NELL1: variants seen among roughly 807,000 people sequenced by gnomAD.
NELL1 encodes the protein neural EGFL like 1.
Under a neutral mutation model 107.4 loss-of-function variants are expected in NELL1, and 76 were observed. The ratio of observed to expected loss-of-function variants is 0.71; its 90% CI spans 0.59 to 0.86. NELL1 has a LOEUF of 0.86. NELL1 is among the 40% of genes least tolerant of loss of function. NELL1 has a pLI of 0.00. For missense variants in NELL1, 1,024 were observed against 1,005.5 expected (o/e 1.02, Z -0.25); for synonymous variants, 353 against 341.2 (o/e 1.03, Z -0.38).
chr11:21,531,372 A>G (rs1260087622), intron 15 of NELL1, among the ~76,000 whole-genome samples: 1 of 152,202 alleles, frequency 6.6e-6, no homozygotes, highest in African/African-American at 2.4e-5. Context: ...TGTCAACAAG[A>G]TATGATAGTT....
intron 12 of NELL1, among the ~76,000 whole-genome samples, chr11:21,000,424 ATTG>A (rs1328560302): frequency 6.6e-6 from 1 of 152,152 alleles, no homozygotes; most frequent in Non-Finnish European, 1.5e-5. Context: ...TCCCAGAGCT[ATTG>A]TTGTCTGTTG....
At chr11:21,287,266 T>C (rs1849145212) in intron 14 of NELL1, among the ~76,000 whole-genome samples, 1 of 152,162 alleles carries the variant, frequency 6.6e-6, no homozygotes, top group South Asian at 2.1e-4. Context: ...TCATTAGCTT[T>C]TCTTATCATT....
Position 20,824,985 on chromosome 11 carries a change from C to A in NELL1, c.336-22598C>A, listed in dbSNP as rs1857847678. Among the ~76,000 whole-genome samples the A allele has an allele frequency of 1.3e-5, 2 of 151,304 alleles. 1 individual carries two copies. On this transcript the variant is annotated intron_variant, in intron 3 of 19. Coordinates refer to ENST00000357134, the MANE Select transcript of NELL1 (RefSeq NM_006157.5). The stretch of plus-strand genomic sequence containing the variant: ...GGCATGTCAGAGACCTTAGCAGCAG[C>A]CACTCCCATCACAGGTCCAGAGGCC...
chr11:20,988,469 A>T (rs1356094381), intron 12 of NELL1, among the ~76,000 whole-genome samples: 1 of 150,978 alleles, frequency 6.6e-6, no homozygotes, highest in Admixed American at 6.6e-5. Context: ...ATATGTGTGT[A>T]TATATATCTA....
At position 20,925,170 on chromosome 11, in the gene NELL1, A is replaced by C. The variant is rs928637209; in HGVS notation, c.760-2138A>C. Among the ~76,000 whole-genome samples the C allele has an allele frequency of 5.9e-5, 9 of 152,336 alleles. 2 individuals carry two copies. The highest frequency in any genetic ancestry group is 6.5e-5 in the Admixed American group (1 of 15,302). On this transcript the variant is annotated intron_variant, in intron 7 of 19. Coordinates refer to ENST00000357134, the MANE Select transcript of NELL1 (RefSeq NM_006157.5). ...ATATGCCATCATCCCTCAGTGTCCA[A>C]GAGTATCACCAAACTCAGCAGTGTA...
Position 21,084,879 on chromosome 11 carries a change from G to A in NELL1, c.1301-28710G>A, listed in dbSNP as rs75806621. On this transcript the variant is annotated intron_variant, in intron 12 of 19. Transcript: ENST00000357134. ...TTTTTCAGTGTGATAATGGTTAAGC[G>A]CACATCCTCCAGAATTAGACTACCT... is the stretch of plus-strand genomic sequence containing the variant. 0.011 allele frequency among the ~76,000 whole-genome samples: 1,635 copies of A among 152,118 alleles called. 56 individuals are homozygous for A. In the South Asian group the frequency reaches 0.12, roughly 11 times the overall value.
chr11:21,349,238 T>A (rs1357391289), intron 14 of NELL1, among the ~76,000 whole-genome samples: 5 of 152,174 alleles, frequency 3.3e-5, no homozygotes, highest in Non-Finnish European at 7.4e-5. Context: ...GGAGTTGAAA[T>A]GTGCCACTCA....
intron 13 of NELL1, among the ~76,000 whole-genome samples, chr11:21,200,378 G>T (rs527357843): frequency 6.6e-6 from 1 of 152,042 alleles, no homozygotes; most frequent in Non-Finnish European, 1.5e-5. Context: ...GTTTTGATTT[G>T]CATTTCTCTA....
chr11:21,445,538 T>A (rs1853404951), intron 15 of NELL1, among the ~76,000 whole-genome samples: 1 of 152,168 alleles, frequency 6.6e-6, no homozygotes, highest in African/African-American at 2.4e-5. Context: ...TTTCTCCATG[T>A]TGAGGCTGGT....
chr11:20,711,474 C>T (rs1855112440), intron 2 of NELL1, among the ~76,000 whole-genome samples: 1 of 151,828 alleles, frequency 6.6e-6, no homozygotes, highest in Non-Finnish European at 1.5e-5. Flanking sequence ...TTTTATAGGT[C>T]CTGTGAGATT....
intron 2 of NELL1, among the ~76,000 whole-genome samples, chr11:20,781,705 T>C (rs1273485672): frequency 6.6e-6 from 1 of 151,896 alleles, no homozygotes; most frequent in Non-Finnish European, 1.5e-5. Flanking sequence ...GCATTACTTG[T>C]AGGTAAATTT....
intron 16 of NELL1, among the ~76,000 whole-genome samples, chr11:21,559,619 A>G (rs1482883764): frequency 6.6e-6 from 1 of 152,136 alleles, no homozygotes; most frequent in South Asian, 2.1e-4. Context: ...TGACTATAAA[A>G]GACACCTATC....
chr11:21,515,224 CT>C (rs1855527673), intron 15 of NELL1, among the ~76,000 whole-genome samples: 1 of 152,114 alleles, frequency 6.6e-6, no homozygotes, highest in African/African-American at 2.4e-5. Flanking sequence ...GACTGTTGTG[CT>C]TCTACTTCTT....
chr11:21,284,131 G>C (rs1292117059), intron 14 of NELL1: 1 of 412,702 alleles, frequency 2.4e-6, no homozygotes, highest in Non-Finnish European at 4.9e-6. Context: ...TGGCTTTGAA[G>C]AGTAGCGTTA....
intron 5 of NELL1, among the ~76,000 whole-genome samples, chr11:20,891,572 T>C (rs1849617545): frequency 6.6e-6 from 1 of 152,130 alleles, no homozygotes; most frequent in Admixed American, 6.5e-5. Context: ...ACTGGCAAAT[T>C]GGATAAGGAG....
intron 12 of NELL1, among the ~76,000 whole-genome samples, chr11:21,010,502 G>A (rs1177070622): frequency 1.3e-5 from 2 of 152,028 alleles, no homozygotes; most frequent in African/African-American, 4.8e-5. Flanking sequence ...TAATAGACCA[G>A]TGTGCAAAAT....
At chr11:21,345,456 C>T (rs1463088815) in intron 14 of NELL1, among the ~76,000 whole-genome samples, 3 of 152,154 alleles carry the variant, frequency 2.0e-5, no homozygotes, top group Admixed American at 6.5e-5. Flanking sequence ...ATCTCCAAAG[C>T]TGTGAAGTTG....
chr11:20,928,254 G>A, intron 8 of NELL1, 123 bp from the exon 9 acceptor site: 1 of 873,358 alleles, frequency 1.1e-6, no homozygotes, highest in Non-Finnish European at 1.9e-6. Flanking sequence ...GGAGTGGACT[G>A]GGAATTCGAA....
At chr11:20,845,513 A>G (rs1036362458) in intron 3 of NELL1, among the ~76,000 whole-genome samples, 5 of 152,208 alleles carry the variant, frequency 3.3e-5, no homozygotes, top group Non-Finnish European at 7.3e-5. Context: ...TGGTCAAAGT[A>G]AAGTAATTGA....
Sources: allele counts gnomAD v4.1 joint callset (sites outside exome capture counted in the v4.1 genomes callset), GRCh38; gene constraint gnomAD v4.1.1; transcripts MANE v1.5; gene names NCBI Gene and HGNC (gene_info 2026-07-23, HGNC 2026-07-21).